Variants in PHF3 observed in about 807,000 individuals in gnomAD.
PHF3 encodes the protein PHD finger protein 3.
Under a neutral mutation model 178.4 loss-of-function variants are expected in PHF3, and 41 were observed. The observed-to-expected ratio is 0.23, with a 90% CI of 0.18 to 0.30. The LOEUF is 0.30. Among genes scored for constraint, PHF3 ranks in the 10% least tolerant of loss-of-function variants. The probability of loss-of-function intolerance (pLI) is 1.00; values close to 1 mark genes in which losing one functional copy is unlikely to be tolerated. For missense variants in PHF3, 2,346 were observed against 2,398.1 expected (o/e 0.98, Z 0.45); for synonymous variants, 842 against 800.5 (o/e 1.05, Z -0.88).
In PHF3 at chr6:63,680,065, G is replaced by A; in HGVS notation, c.310G>A (p.Glu104Lys). The A allele has an allele frequency of 1.2e-6, 2 of 1,612,612 alleles. No individual in the cohort carries two copies. The highest frequency in any genetic ancestry group is 2.2e-5 in the South Asian group (2 of 90,976). The change falls in exon 3 of 16, where the codon GAA (glutamate) becomes AAA (lysine). Residue 104 changes from glutamate to lysine, a missense_variant. Coordinates refer to ENST00000262043, the MANE Select transcript of PHF3 (RefSeq NM_001370348.2). ...AGAAAGTGGCAATGATACCATTGAT[G>A]AAGAAGAACTGATTTTACCTAACAG... ...VKESGNDTID[E>K]EELILPNRNL...
At position 63,718,477 on chromosome 6, in the gene PHF3, C is replaced by T. The variant is rs186569237; in HGVS notation, c.*4769C>T. ...ATGATAATCTCATCTGTTAATGTAA[C>T]ATTTATATAAAAGTTAACTTCCAAA... On this transcript the variant is annotated 3_prime_UTR_variant, in exon 16 of 16. Transcript: ENST00000262043. Among the ~76,000 whole-genome samples the T allele has an allele frequency of 6.6e-6, 1 of 152,014 alleles. No homozygotes were observed. Among genetic ancestry groups the T allele is most frequent in the Non-Finnish European group, 1.5e-5 (1 of 67,912 alleles).
chr6:63,697,603 A>T (rs1767287368), intron 6 of PHF3, among the ~76,000 whole-genome samples: 1 of 152,168 alleles, frequency 6.6e-6, no homozygotes, highest in Non-Finnish European at 1.5e-5. Flanking sequence ...GCCAACACAC[A>T]TGTTTAAAAG....
At chr6:63,664,281 C>T (rs749796790) in intron 2 of PHF3, among the ~76,000 whole-genome samples, 1 of 152,194 alleles carries the variant, frequency 6.6e-6, no homozygotes, top group Non-Finnish European at 1.5e-5. Flanking sequence ...TATTTCCTCC[C>T]TAACAAGTGG....
chr6:63,665,811 C>T (rs1344407457), intron 2 of PHF3, among the ~76,000 whole-genome samples: 1 of 152,080 alleles, frequency 6.6e-6, no homozygotes, highest in Non-Finnish European at 1.5e-5. Context: ...AAACAGTCTA[C>T]TGTTTTTACA....
intron 4 of PHF3, among the ~76,000 whole-genome samples, chr6:63,688,695 C>T (rs1766860457): frequency 6.6e-6 from 1 of 152,198 alleles, no homozygotes; most frequent in Non-Finnish European, 1.5e-5. Flanking sequence ...TACTTTGATA[C>T]ATTGTGCTTG....
intron 13 of PHF3, among the ~76,000 whole-genome samples, chr6:63,707,437 A>G (rs1286822035): frequency 1.3e-5 from 2 of 152,182 alleles, no homozygotes; most frequent in Admixed American, 1.3e-4. Flanking sequence ...GGAAATAGAA[A>G]GAAACTATTA....
rs765967600 is a variant in PHF3 at position 63,691,976 on chromosome 6, A to G, written c.2429A>G (p.His810Arg). 16 of 1,613,736 alleles carry G rather than the reference A, an allele frequency of 9.9e-6. No homozygotes were observed. The highest frequency in any genetic ancestry group is 1.2e-5 in the Non-Finnish European group (14 of 1,179,894). ...MECEKLGLSK[H>R]TTNDRTKYID... ...TGTGAAAAGCTTGGATTATCAAAAC[A>G]CACAACAAATGATAGAACCAAATAT... The change falls in exon 5 of 16, where the codon CAC (histidine) becomes CGC (arginine). Residue 810 changes from histidine to arginine, a missense_variant. Transcript: ENST00000262043.
At chr6:63,686,908 A>G (rs746404768) in intron 4 of PHF3, among the ~76,000 whole-genome samples, 5 of 152,128 alleles carry the variant, frequency 3.3e-5, no homozygotes, top group Non-Finnish European at 7.4e-5. Context: ...TGTTAGGGTG[A>G]TTGGGGAGAT....
intron 2 of PHF3, among the ~76,000 whole-genome samples, chr6:63,662,253 T>C (rs1765500343): frequency 6.6e-6 from 1 of 152,084 alleles, no homozygotes; most frequent in African/African-American, 2.4e-5. Context: ...GCCAAAATTT[T>C]CCTCAAAAAG....
intron 2 of PHF3, among the ~76,000 whole-genome samples, chr6:63,647,329 C>T (rs1764834446): frequency 6.6e-6 from 1 of 152,160 alleles, no homozygotes; most frequent in African/African-American, 2.4e-5. Context: ...TATACCTCTG[C>T]TGCCCTGGAC....
chr6:63,639,693 AAAGAGAAAG>A (rs1764492456), intron 1 of PHF3, among the ~76,000 whole-genome samples: 1 of 152,156 alleles, frequency 6.6e-6, no homozygotes, highest in Non-Finnish European at 1.5e-5. Context: ...AGTTTGCTCT[AAAGAGAAAG>A]GACTAATAAT....
intron 2 of PHF3, among the ~76,000 whole-genome samples, chr6:63,667,623 GC>G (rs2149563889): frequency 6.6e-6 from 1 of 152,238 alleles, no homozygotes; most frequent in East Asian, 1.9e-4. Flanking sequence ...TTGTCCCCAA[GC>G]TATTATTTTC....
chr6:63,723,037 G>A lies in PHF3; in HGVS notation c.*9329G>A, dbSNP rs929468947. Among the ~76,000 whole-genome samples, 1 of 152,098 alleles carries A rather than the reference G, an allele frequency of 6.6e-6. No homozygotes were observed. On this transcript the variant is annotated 3_prime_UTR_variant, in exon 16 of 16. Transcript: ENST00000262043. The stretch of plus-strand genomic sequence containing the variant: ...ACAGTTGATTCCCAGCACCCAAAAC[G>A]GTATCTGGCCCATAAATAGATGCTA...
intron 1 of PHF3, among the ~76,000 whole-genome samples, chr6:63,644,805 C>T (rs1017785552): frequency 3.0e-4 from 45 of 151,912 alleles, no homozygotes; most frequent in African/African-American, 9.7e-4. Context: ...AGGACATTTC[C>T]GTCATCTCTC....
In PHF3 at chr6:63,712,452, A is replaced by G. The variant is rs775830097; in HGVS notation, c.4864A>G (p.Lys1622Glu). Residue 1622 changes from lysine (K) to glutamate (E), a missense_variant, in exon 16 of 16, where the codon AAA becomes GAA. Transcript: ENST00000262043. ...NSSPCRSNVG[K>E]GNIDGNVSCS... is the part of the protein sequence containing the mutation. Reference sequence around the variant, plus strand: ...TTCTCCATGCAGATCTAATGTAGGAAAAGGAAACATAGATGGTAATGTGAG... The same window carrying G: ...TTCTCCATGCAGATCTAATGTAGGAGAAGGAAACATAGATGGTAATGTGAG... 11 of 1,613,928 alleles carry G rather than the reference A, an allele frequency of 6.8e-6. No homozygotes were observed. The highest frequency in any genetic ancestry group is 9.3e-6 in the Non-Finnish European group (11 of 1,179,984).
At position 63,720,900 on chromosome 6, in the gene PHF3, C is replaced by A. The variant is rs772549804; in HGVS notation, c.*7192C>A. Reference sequence around the variant, plus strand: ...ATTTTGAATTACAACTACATGGTGCCATTTATTACAACAGAATGTGCCATT... The same window carrying A: ...ATTTTGAATTACAACTACATGGTGCAATTTATTACAACAGAATGTGCCATT... On this transcript the variant is annotated 3_prime_UTR_variant, in exon 16 of 16. Transcript: ENST00000262043. 50 of 1,550,834 alleles carry A rather than the reference C, an allele frequency of 3.2e-5. No homozygotes were observed. The highest frequency in any genetic ancestry group is 4.3e-5 in the Non-Finnish European group (49 of 1,146,410).
At chr6:63,667,730 T>C (rs1582038520) in intron 2 of PHF3, among the ~76,000 whole-genome samples, 2 of 152,346 alleles carry the variant, frequency 1.3e-5, no homozygotes, top group Admixed American at 1.3e-4. Flanking sequence ...TTGATACATT[T>C]TGAACAGGTA....
At chr6:63,668,655 T>A (rs955215351) in intron 2 of PHF3, among the ~76,000 whole-genome samples, 1 of 152,114 alleles carries the variant, frequency 6.6e-6, no homozygotes, top group African/African-American at 2.4e-5. Context: ...TCCTTTTTGA[T>A]GGTTATAATG....
chr6:63,636,038 G>C lies in PHF3; in HGVS notation c.-138G>C. 1 of 395,930 alleles carries C rather than the reference G, an allele frequency of 2.5e-6. No homozygotes were observed. Among genetic ancestry groups the C allele is most frequent in the East Asian group, 3.6e-5 (1 of 27,904 alleles). 24.5% of individuals were successfully genotyped at this position (395,930 alleles called of 1,614,324 possible). On this transcript the variant is annotated 5_prime_UTR_variant, in exon 1 of 16. Coordinates refer to ENST00000262043, the MANE Select transcript of PHF3 (RefSeq NM_001370348.2). ...TGTGGCAGCGACGCCGACGTCCTGC[G>C]CGTACCCCCTCTCCGCGGCACCCAC...
Sources: allele counts gnomAD v4.1 joint callset (sites outside exome capture counted in the v4.1 genomes callset), GRCh38; gene constraint gnomAD v4.1.1; transcripts MANE v1.5; gene names NCBI Gene and HGNC (gene_info 2026-07-23, HGNC 2026-07-21).